The following CLBA1 variants were observed in gnomAD, a reference collection of about 807,000 sequenced individuals.
CLBA1 encodes the protein uncharacterized protein CLBA1.
CLBA1 carries 30 observed loss-of-function variants against 28.8 expected under a neutral mutation model. The observed-to-expected ratio is 1.04, with a 90% CI of 0.78 to 1.41. The LOEUF (loss-of-function observed/expected upper bound fraction) is 1.41, where lower values mean the gene tolerates loss of function less well. Among genes scored for constraint, CLBA1 ranks in the 40% most tolerant of loss-of-function variants. The probability of loss-of-function intolerance (pLI) is 0.00; values close to 1 mark genes in which losing one functional copy is unlikely to be tolerated. For synonymous variants in CLBA1, 160 were observed against 152.8 expected (o/e 1.05, Z -0.35); for missense variants, 451 against 412.3 (o/e 1.09, Z -0.81).
Position 104,990,019 on chromosome 14 carries a change from A to G in CLBA1, c.569+931A>G, listed in dbSNP as rs151174567. The G allele has an allele frequency of 1.2e-4, 29 of 238,142 alleles. No individual in the cohort carries two copies. The East Asian group carries it at 2.3e-3, about 19-fold the overall frequency. The allele number at this position is 238,142 out of a possible 1,614,324, so 14.8% of individuals were successfully genotyped here. A position where few individuals can be genotyped will look rare whatever the true frequency, so the allele number is the denominator to read the frequency against. ...GAAGGCCGCAACCAGCATTGCCCAG[A>G]TGGCCCGTGTGCCCTCTGTGTGTGG... On this transcript the variant is annotated intron_variant, in intron 2 of 4. Transcript: ENST00000547315.
At chr14:105,001,049 T>G (rs1436818026) in intron 2 of CLBA1, among the ~76,000 whole-genome samples, 1 of 131,204 alleles carries the variant, frequency 7.6e-6, no homozygotes, top group African/African-American at 2.9e-5. Context: ...ATACGCACAA[T>G]GGGATACTAT....
chr14:104,987,838 T>G (rs926445214), intron 1 of CLBA1, among the ~76,000 whole-genome samples: 7 of 151,402 alleles, frequency 4.6e-5, no homozygotes, highest in Non-Finnish European at 8.8e-5. Context: ...GGTTTTACCA[T>G]GTTTGCCAGG....
chr14:104,994,478 G>GAGA, intron 4 of CLBA1, 120 bp from the exon 5 acceptor site: 9 of 1,429,296 alleles, frequency 6.3e-6, no homozygotes, highest in Non-Finnish European at 8.2e-6. Context: ...TTTCTAAGAG[G>GAGA]AGAACCAAGG....
rs1331877929 is a variant in CLBA1 at position 104,994,734 on chromosome 14, C to G, written c.953C>G (p.Thr318Arg). 6.2e-7 allele frequency: 1 copy of G among 1,610,828 alleles called. No individual in the cohort carries two copies. Among genetic ancestry groups the G allele is most frequent in the East Asian group, 2.2e-5 (1 of 44,832 alleles). ...TTCACTCCACGCAAGCTCAAACTGA[C>G]ACTCTTTAATAGCGACGTTTGCTAA... ...RMFTPRKLKL[T>R]LFNSDVC Residue 318 changes from threonine (T) to arginine (R), a missense_variant, in exon 5 of 5, where the codon ACA (threonine) becomes AGA (arginine). Physicochemically the swap from Thr to Arg is moderately conservative, Grantham distance 71 (BLOSUM62 -1). Coordinates refer to ENST00000547315, the MANE Select transcript of CLBA1 (RefSeq NM_174891.4).
chr14:104,989,770 T>G lies in CLBA1; in HGVS notation c.569+682T>G, dbSNP rs1050143906. On this transcript the variant is annotated intron_variant, in intron 2 of 4. Coordinates refer to ENST00000547315, the MANE Select transcript of CLBA1 (RefSeq NM_174891.4). ...GAAGGTTGGGGTGAGCTAGCTTCCCTGTCCCTCGGTGTGGTCTGCGGAGTG... is the reference window on the plus strand; with the variant it reads ...GAAGGTTGGGGTGAGCTAGCTTCCCGGTCCCTCGGTGTGGTCTGCGGAGTG... 59 of 446,498 alleles carry G rather than the reference T, an allele frequency of 1.3e-4. No individual in the cohort carries two copies. The East Asian group carries it at 3.7e-3, about 28-fold the overall frequency. 27.7% of individuals were successfully genotyped at this position (446,498 alleles called of 1,614,324 possible). A position where few individuals can be genotyped will look rare whatever the true frequency, so the allele number is the denominator to read the frequency against.
In CLBA1 at chr14:104,994,979, G is replaced by A; in HGVS notation, c.*220G>A. ...AGCCAAGGGGAGACAGAGGTTTCTG[G>A]ATGCCATGACAGGCTGTCGGGGTCC... On this transcript the variant is annotated 3_prime_UTR_variant, in exon 5 of 5. Transcript: ENST00000547315. The A allele has an allele frequency of 1.6e-6, 2 of 1,219,580 alleles. No individual in the cohort carries two copies. The highest frequency in any genetic ancestry group is 1.6e-5 in the African/African-American group (1 of 63,848). The allele number at this position is 1,219,580 out of a possible 1,614,324, so 75.5% of individuals were successfully genotyped here.
At chr14:104,987,423 G>A (rs185785387) in intron 1 of CLBA1, among the ~76,000 whole-genome samples, 6 of 152,204 alleles carry the variant, frequency 3.9e-5, no homozygotes, top group South Asian at 4.2e-4. Context: ...GGTGTTTACC[G>A]TTTGGTGACA....
chr14:104,994,916 CG>C lies in CLBA1; in HGVS notation c.*160del. 7.3e-7 allele frequency: 1 copy of C among 1,368,624 alleles called. No homozygotes were observed. Among genetic ancestry groups the C allele is most frequent in the East Asian group, 2.9e-5 (1 of 34,666 alleles). 84.8% of individuals were successfully genotyped at this position (1,368,624 alleles called of 1,614,324 possible). On this transcript the variant is annotated 3_prime_UTR_variant, in exon 5 of 5. Transcript: ENST00000547315. ...CCTGTCCTGTGTTCTGGGCTTGTCT[CG>C]GGTCTGACCAGGAGATGGAGGATGT...
At chr14:104,986,949 G>A in intron 1 of CLBA1, 95 bp downstream of exon 1, 2 of 1,420,076 alleles carry the variant, frequency 1.4e-6, no homozygotes, top group Non-Finnish European at 1.9e-6. Context: ...TGGCCAGGGA[G>A]GGGGCTGACA....
At position 104,986,342 on chromosome 14, in the gene CLBA1, A is replaced by C; in HGVS notation, c.-90A>C. The C allele has an allele frequency of 7.3e-7, 1 of 1,365,232 alleles. No individual in the cohort carries two copies. The highest frequency in any genetic ancestry group is 9.9e-7 in the Non-Finnish European group (1 of 1,008,594). The allele number at this position is 1,365,232 out of a possible 1,614,324, so 84.6% of individuals were successfully genotyped here. On this transcript the variant is annotated 5_prime_UTR_variant, in exon 1 of 5. Transcript: ENST00000547315. ...CCCTGGCCCTCTCCAGGGCAGGGGA[A>C]GGTTGGGCAGTCCTGGGCGGCCAGC...
At chr14:104,993,302 A>G in intron 4 of CLBA1, 1 of 985,388 alleles carries the variant, frequency 1.0e-6, no homozygotes, top group Non-Finnish European at 1.2e-6. Flanking sequence ...AGGACCCAGG[A>G]TATGGGTGGG....
chr14:104,988,363 C>G (rs888805921), intron 1 of CLBA1, among the ~76,000 whole-genome samples: 13 of 144,520 alleles, frequency 9.0e-5, no homozygotes, highest in African/African-American at 3.2e-4. Flanking sequence ...GACGGAGTCT[C>G]TCTCTGTCAC....
At chr14:104,987,465 C>T (rs1160231815) in intron 1 of CLBA1, among the ~76,000 whole-genome samples, 1 of 152,162 alleles carries the variant, frequency 6.6e-6, no homozygotes, top group Non-Finnish European at 1.5e-5. Flanking sequence ...TGTCTTCTTC[C>T]TTCCATTGTT....
intron 4 of CLBA1, chr14:104,993,362 G>A (rs768146592): frequency 4.1e-6 from 4 of 985,416 alleles, no homozygotes; most frequent in Non-Finnish European, 4.8e-6. Context: ...AAGCTGAGAC[G>A]CCAGGTGTGG....
chr14:105,000,412 C>T (rs982300184), downstream of CLBA1, among the ~76,000 whole-genome samples: 2 of 151,944 alleles, frequency 1.3e-5, no homozygotes, highest in South Asian at 4.2e-4. Flanking sequence ...GCTGGGACTA[C>T]AGGCGCCCGC....
At chr14:104,999,813 T>C (rs1162929068), downstream of CLBA1, among the ~76,000 whole-genome samples, 1 of 152,230 alleles carries the variant, frequency 6.6e-6, no homozygotes, top group Non-Finnish European at 1.5e-5. Context: ...GAAGGAAATT[T>C]ATAGCTTTAA....
chr14:104,991,578 G>A lies in CLBA1; in HGVS notation c.657G>A (p.Gln219=), dbSNP rs745823410. The A allele has an allele frequency of 6.2e-7, 1 of 1,613,710 alleles. No homozygotes were observed. The highest frequency in any genetic ancestry group is 8.5e-7 in the Non-Finnish European group (1 of 1,179,814). ...SQRLWSESRC[Q]ENFFLVLGID... Reference sequence around the variant, plus strand: ...GCCTCTGGAGCGAGTCCCGTTGCCAGGAGAACTTCTTTCTTGTTCTCGGAA... The same window carrying A: ...GCCTCTGGAGCGAGTCCCGTTGCCAAGAGAACTTCTTTCTTGTTCTCGGAA... Residue 219 remains glutamine (Q), a synonymous_variant, in exon 3 of 5, where the codon CAG becomes CAA. Transcript: ENST00000547315.
chr14:104,990,484 A>T (rs1025709308), intron 2 of CLBA1: 2 of 152,248 alleles, frequency 1.3e-5, no homozygotes, highest in African/African-American at 4.8e-5. Context: ...TTTTTTGTAG[A>T]GACAGGGTTT....
At position 104,993,363 on chromosome 14, in the gene CLBA1, C is replaced by T. The variant is rs1293437894; in HGVS notation, c.816+299C>T. On this transcript the variant is annotated intron_variant, in intron 4 of 4. Transcript: ENST00000547315. ...AGAGAGCTGCAGGGAAGCTGAGACGCCAGGTGTGGATGACGAGGCTGGAAG... is the reference window on the plus strand; with the variant it reads ...AGAGAGCTGCAGGGAAGCTGAGACGTCAGGTGTGGATGACGAGGCTGGAAG... 5 of 985,266 alleles carry T rather than the reference C, an allele frequency of 5.1e-6. No individual in the cohort carries two copies. In the Admixed American group the frequency reaches 2.5e-4, roughly 49 times the overall value. The allele number at this position is 985,266 out of a possible 1,614,324, so 61.0% of individuals were successfully genotyped here. A position where few individuals can be genotyped will look rare whatever the true frequency, so the allele number is the denominator to read the frequency against.
Sources: gnomAD v4.1 joint callset for allele counts (sites outside exome capture counted in the v4.1 genomes callset) on GRCh38, gnomAD v4.1.1 for gene constraint, MANE v1.5 for transcripts, NCBI Gene and HGNC (gene_info 2026-07-23, HGNC 2026-07-21) for gene names.